The following LDB2 variants were observed in gnomAD, a reference collection of about 807,000 sequenced individuals.
LDB2 encodes LIM domain binding 2, also known as LIM domain-binding protein 2.
LDB2 carries 12 observed loss-of-function variants against 44.3 expected under a neutral mutation model. The ratio of observed to expected loss-of-function variants is 0.27; its 90% confidence interval spans 0.17 to 0.44. LDB2 has a LOEUF of 0.44. Ranked by LOEUF, LDB2 falls within the 20% of genes least tolerant of loss-of-function variation. The pLI, the probability that LDB2 is intolerant of heterozygous loss-of-function variation, is 1.00. For missense variants in LDB2, 344 were observed against 473.5 expected (o/e 0.73, Z 2.54); for synonymous variants, 164 against 174.8 (o/e 0.94, Z 0.49).
intron 1 of LDB2, among the ~76,000 whole-genome samples, chr4:16,760,213 G>A (rs541013268): frequency 1.6e-4 from 25 of 152,240 alleles, no homozygotes; most frequent in East Asian, 5.8e-4. Context: ...AGATGGAAGG[G>A]GAGATAGAAG....
At chr4:16,531,637 C>T (rs961928482) in intron 5 of LDB2, among the ~76,000 whole-genome samples, 3 of 152,184 alleles carry the variant, frequency 2.0e-5, no homozygotes, top group African/African-American at 7.2e-5. Context: ...GTTCACATGG[C>T]TTCTCAAACC....
At chr4:16,722,461 A>G (rs1202395674) in intron 2 of LDB2, among the ~76,000 whole-genome samples, 1 of 152,110 alleles carries the variant, frequency 6.6e-6, no homozygotes, top group Non-Finnish European at 1.5e-5. Context: ...CTGTGATTCT[A>G]CAATATAGCA....
At chr4:16,660,471 C>T (rs553261217) in intron 2 of LDB2, among the ~76,000 whole-genome samples, 1 of 152,004 alleles carries the variant, frequency 6.6e-6, no homozygotes, top group East Asian at 1.9e-4. Flanking sequence ...TATAGATAAC[C>T]ACAACCACCA....
At chr4:16,568,722 G>A (rs1476523951) in intron 5 of LDB2, among the ~76,000 whole-genome samples, 1 of 152,128 alleles carries the variant, frequency 6.6e-6, no homozygotes, top group Non-Finnish European at 1.5e-5. Context: ...CATATACGTG[G>A]CTTTCACATC....
At chr4:16,883,387 G>C (rs1396021341) in intron 1 of LDB2, among the ~76,000 whole-genome samples, 3 of 152,156 alleles carry the variant, frequency 2.0e-5, no homozygotes, top group African/African-American at 7.2e-5. Context: ...TTTCTCCGAG[G>C]CTTAAGTTTA....
intron 1 of LDB2, among the ~76,000 whole-genome samples, chr4:16,800,368 A>G (rs1777563349): frequency 6.6e-6 from 1 of 152,144 alleles, no homozygotes; most frequent in Non-Finnish European, 1.5e-5. Context: ...TTATAAACCT[A>G]TTTCACCATT....
intron 1 of LDB2, among the ~76,000 whole-genome samples, chr4:16,876,726 G>A (rs912239368): frequency 1.3e-5 from 2 of 151,514 alleles, no homozygotes; most frequent in Non-Finnish European, 2.9e-5. Flanking sequence ...GGTACATTAG[G>A]GGAAAAAGCA....
chr4:16,749,898 G>A (rs750272462), intron 2 of LDB2, among the ~76,000 whole-genome samples: 13 of 152,166 alleles, frequency 8.5e-5, no homozygotes, highest in Admixed American at 8.5e-4. Context: ...AAGGCTTTTA[G>A]AAGGTTAGAA....
At chr4:16,852,459 G>A (rs1012568031) in intron 1 of LDB2, among the ~76,000 whole-genome samples, 3 of 152,122 alleles carry the variant, frequency 2.0e-5, no homozygotes, top group African/African-American at 7.2e-5. Context: ...GCCACATGAA[G>A]GAAAATCCAT....
At chr4:16,844,822 C>A (rs184565974) in intron 1 of LDB2, among the ~76,000 whole-genome samples, 44 of 152,304 alleles carry the variant, frequency 2.9e-4, no homozygotes, top group Admixed American at 2.0e-3. Context: ...ACCTAACCCA[C>A]CTAATGTTTT....
chr4:16,868,905 T>C (rs1206733411), intron 1 of LDB2, among the ~76,000 whole-genome samples: 1 of 152,070 alleles, frequency 6.6e-6, no homozygotes, highest in African/African-American at 2.4e-5. Flanking sequence ...TTGATGAAGA[T>C]GATAATGAAG....
At chr4:16,646,565 G>C (rs1402652466) in intron 2 of LDB2, among the ~76,000 whole-genome samples, 1 of 152,170 alleles carries the variant, frequency 6.6e-6, no homozygotes, top group African/African-American at 2.4e-5. Flanking sequence ...TATGGCCTGG[G>C]GAGCCACTGG....
chr4:16,897,511 GT>G (rs1397918320), intron 1 of LDB2, among the ~76,000 whole-genome samples: 1 of 152,170 alleles, frequency 6.6e-6, no homozygotes, highest in African/African-American at 2.4e-5. Context: ...CGAGTCTGGA[GT>G]TTTGCATTTA....
intron 5 of LDB2, among the ~76,000 whole-genome samples, chr4:16,552,600 A>C (rs773958578): frequency 3.3e-5 from 5 of 152,152 alleles, no homozygotes; most frequent in Admixed American, 2.0e-4. Flanking sequence ...TCTTGCCTAA[A>C]TATCATAATT....
At chr4:16,584,254 A>G (rs1365993394) in intron 5 of LDB2, among the ~76,000 whole-genome samples, 1 of 152,164 alleles carries the variant, frequency 6.6e-6, no homozygotes, top group Non-Finnish European at 1.5e-5. Flanking sequence ...TAAACCCTAC[A>G]AGGAGCTGAT....
intron 1 of LDB2, among the ~76,000 whole-genome samples, chr4:16,796,111 G>A (rs2109675505): frequency 6.6e-6 from 1 of 152,122 alleles, no homozygotes; most frequent in East Asian, 1.9e-4. Flanking sequence ...GGGCAACATG[G>A]TGAAATCCCA....
chr4:16,794,270 T>A (rs1419351343), intron 1 of LDB2, among the ~76,000 whole-genome samples: 2 of 152,106 alleles, frequency 1.3e-5, no homozygotes, highest in East Asian at 1.9e-4. Context: ...GAAGGTGCCT[T>A]AGTTGACAGG....
chr4:16,610,796 ATAT>A lies in LDB2; in HGVS notation c.236-14924_236-14922del, dbSNP rs1725395961. ...AACAAGCTGGAAAACACCCTTCACA[ATAT>A]TATCCAGGAGAATTTCCCCAACCTA... is the stretch of plus-strand genomic sequence containing the variant. On this transcript the variant is annotated intron_variant, in intron 2 of 7. Transcript: ENST00000304523. Among the ~76,000 whole-genome samples the A allele has an allele frequency of 2.0e-5, 3 of 152,230 alleles. No homozygotes were observed. In the South Asian group the frequency reaches 6.2e-4, roughly 32 times the overall value.
intron 2 of LDB2, among the ~76,000 whole-genome samples, chr4:16,697,266 T>TACACACACACACAC (rs57040700): frequency 0.068 from 8,883 of 130,598 alleles, 388 homozygotes; most frequent in Admixed American, 0.086. Flanking sequence ...CTACTAAAAA[T>TACACACACACACAC]ACACACACAC....
Sources: allele counts gnomAD v4.1 joint callset (sites outside exome capture counted in the v4.1 genomes callset), GRCh38; gene constraint gnomAD v4.1.1; transcripts MANE v1.5; gene names NCBI Gene and HGNC (gene_info 2026-07-23, HGNC 2026-07-21).